FAM216A: variants seen among roughly 807,000 people sequenced by gnomAD.
The protein encoded by FAM216A is family with sequence similarity 216 member A, also known as protein FAM216A.
In FAM216A, 26 loss-of-function variants were observed where a neutral mutation model predicts 37.6. The ratio of observed to expected loss-of-function variants is 0.69; its 90% CI spans 0.51 to 0.96. FAM216A has a LOEUF of 0.96. Ranked by LOEUF, FAM216A falls within the 40% of genes least tolerant of loss-of-function variation. The pLI is 0.00. For synonymous variants in FAM216A, 110 were observed against 121.7 expected, an observed-to-expected ratio of 0.90 and a Z score of 0.64; for missense variants, 326 against 339.3, an observed-to-expected ratio of 0.96 and a Z score of 0.31.
upstream of FAM216A, chr12:110,468,694 T>C (rs1592971685): frequency 6.6e-7 from 1 of 1,524,340 alleles, no homozygotes; most frequent in South Asian, 1.2e-5. Context: ...GTGCAAACGC[T>C]CAGCGACCGC....
intron 2 of FAM216A, among the ~76,000 whole-genome samples, chr12:110,476,669 A>T (rs2062716576): frequency 6.6e-6 from 1 of 151,886 alleles, no homozygotes; most frequent in African/African-American, 2.4e-5. Context: ...CTGGGATTAT[A>T]GGCACATGCC....
intron 1 of FAM216A, among the ~76,000 whole-genome samples, chr12:110,470,753 T>A (rs2062681993): frequency 6.6e-6 from 1 of 152,136 alleles, no homozygotes; most frequent in African/African-American, 2.4e-5. Flanking sequence ...TTGTTTGTCC[T>A]TTCCTTTTAT....
Position 110,486,474 on chromosome 12 carries a change from T to TCTTTTCA in FAM216A, c.436+23_436+29dup. On this transcript the variant is annotated intron_variant, in intron 4 of 6. Coordinates refer to ENST00000377673, the MANE Select transcript of FAM216A (RefSeq NM_013300.3). Reference sequence around the variant, plus strand: ...AGCCAGGCAGGTGCACCTCCAGTTGTCTTTTCACTAGTTTTTACAATTAGT... The same window carrying TCTTTTCA: ...AGCCAGGCAGGTGCACCTCCAGTTGTCTTTTCACTTTTCACTAGTTTTTACAATTAGT... 1 of 1,608,440 alleles carries TCTTTTCA rather than the reference T, an allele frequency of 6.2e-7. No individual in the cohort carries two copies.
At chr12:110,482,086 CT>C (rs111250050) in intron 2 of FAM216A, among the ~76,000 whole-genome samples, 3,707 of 96,898 alleles carry the variant, frequency 0.038, 122 homozygotes, top group African/African-American at 0.092. Flanking sequence ...TAACTATATA[CT>C]TTTTTTTTTT....
chr12:110,478,193 A>AT lies in FAM216A; in HGVS notation c.184+5077dup, dbSNP rs544776397. On this transcript the variant is annotated intron_variant, in intron 2 of 6. Coordinates refer to ENST00000377673, the MANE Select transcript of FAM216A (RefSeq NM_013300.3). ...ATCTGTTATTTATTTTGATGCTCAA[A>AT]TTATCCCAGATTTGGCCAGTGGGAG... Among the ~76,000 whole-genome samples, 11 of 152,318 alleles carry AT rather than the reference A, an allele frequency of 7.2e-5. No individual in the cohort carries two copies. The East Asian group carries it at 1.7e-3, about 24-fold the overall frequency.
chr12:110,479,796 C>T (rs865928537), intron 2 of FAM216A, among the ~76,000 whole-genome samples: 9 of 151,508 alleles, frequency 5.9e-5, no homozygotes, highest in South Asian at 4.2e-4. Context: ...AGAGATCGCG[C>T]CACTGCACTC....
At chr12:110,484,243 C>T (rs574565460) in intron 2 of FAM216A, among the ~76,000 whole-genome samples, 47 of 151,744 alleles carry the variant, frequency 3.1e-4, no homozygotes, top group Admixed American at 1.4e-3. Flanking sequence ...CTGGCTAACA[C>T]GGTGAAACCC....
At chr12:110,469,130 G>C in intron 1 of FAM216A, 112 bp downstream of exon 1, 1 of 1,243,232 alleles carries the variant, frequency 8.0e-7, no homozygotes, top group Non-Finnish European at 1.0e-6. Flanking sequence ...CGTCTCGGGG[G>C]CTGGCCCCGG....
intron 2 of FAM216A, among the ~76,000 whole-genome samples, chr12:110,477,322 C>T (rs189643737): frequency 8.1e-4 from 123 of 152,272 alleles, no homozygotes; most frequent in African/African-American, 2.8e-3. Flanking sequence ...ACTTCTCAAA[C>T]TTTCATCCAT....
upstream of FAM216A, chr12:110,468,732 C>G (rs994784902): frequency 2.7e-6 from 4 of 1,494,024 alleles, no homozygotes; most frequent in Non-Finnish European, 3.6e-6. Flanking sequence ...CCCACCGTAA[C>G]TCCGGGGTCG....
intron 1 of FAM216A, among the ~76,000 whole-genome samples, chr12:110,472,675 T>C (rs1447605104): frequency 6.6e-6 from 1 of 152,098 alleles, no homozygotes; most frequent in Non-Finnish European, 1.5e-5. Context: ...TATGCAACAC[T>C]ATCCTTTTTT....
At chr12:110,480,746 C>CT (rs1333630677) in intron 2 of FAM216A, among the ~76,000 whole-genome samples, 2 of 152,116 alleles carry the variant, frequency 1.3e-5, no homozygotes, top group African/African-American at 4.8e-5. Flanking sequence ...CTATAAAACA[C>CT]TAACTCTCAG....
intron 2 of FAM216A, among the ~76,000 whole-genome samples, chr12:110,474,168 A>G (rs2062702707): frequency 6.6e-6 from 1 of 152,148 alleles, no homozygotes; most frequent in South Asian, 2.1e-4. Context: ...GGGTTCATTA[A>G]TTTAGATTCC....
chr12:110,473,577 A>G (rs1410701299), intron 2 of FAM216A, among the ~76,000 whole-genome samples: 1 of 152,204 alleles, frequency 6.6e-6, no homozygotes, highest in East Asian at 1.9e-4. Context: ...GATTTCAAAG[A>G]GCAATCAGGG....
At chr12:110,476,778 C>T (rs191433290) in intron 2 of FAM216A, among the ~76,000 whole-genome samples, 7 of 152,190 alleles carry the variant, frequency 4.6e-5, no homozygotes, top group Admixed American at 1.3e-4. Context: ...TTGCCCACCT[C>T]GGCCTCCCAA....
chr12:110,488,188 T>G (rs1198338537), intron 6 of FAM216A, among the ~76,000 whole-genome samples: 1 of 152,070 alleles, frequency 6.6e-6, no homozygotes, highest in East Asian at 1.9e-4. Context: ...GTCAGGCAGA[T>G]CACCTGAGGT....
At chr12:110,470,966 T>C (rs1348304866) in intron 1 of FAM216A, among the ~76,000 whole-genome samples, 1 of 152,146 alleles carries the variant, frequency 6.6e-6, no homozygotes, top group Admixed American at 6.6e-5. Context: ...TTATGCTACA[T>C]GATACAATGT....
chr12:110,471,399 T>C (rs1224966734), intron 1 of FAM216A, among the ~76,000 whole-genome samples: 1 of 152,146 alleles, frequency 6.6e-6, no homozygotes. Context: ...TTTTTTTCTT[T>C]AAAGTCAGGT....
chr12:110,477,546 C>T (rs551233593), intron 2 of FAM216A, among the ~76,000 whole-genome samples: 3 of 151,614 alleles, frequency 2.0e-5, no homozygotes, highest in South Asian at 2.1e-4. Flanking sequence ...TTAGTAGAGA[C>T]GGGGTCTCAC....
Sources: allele counts gnomAD v4.1 joint callset (sites outside exome capture counted in the v4.1 genomes callset), GRCh38; gene constraint gnomAD v4.1.1; transcripts MANE v1.5; gene names NCBI Gene and HGNC (gene_info 2026-07-23, HGNC 2026-07-21).